The following SUGCT variants were observed in gnomAD, a reference collection of about 807,000 sequenced individuals.
SUGCT encodes the protein succinyl-CoA:glutarate-CoA transferase.
Under a neutral mutation model 55.0 loss-of-function variants are expected in SUGCT, and 41 were observed. That is an observed-to-expected ratio of 0.74 (90% CI 0.58 to 0.97). The LOEUF (loss-of-function observed/expected upper bound fraction) is 0.97. Ranked by LOEUF, SUGCT falls within the 50% of genes least tolerant of loss-of-function variation. SUGCT has a pLI of 0.00. For synonymous variants in SUGCT, 187 were observed against 200.4 expected (o/e 0.93, Z 0.56); for missense variants, 568 against 547.8 (o/e 1.04, Z -0.37).
At chr7:40,216,682 C>A (rs1197702856) in intron 6 of SUGCT, among the ~76,000 whole-genome samples, 1 of 151,420 alleles carries the variant, frequency 6.6e-6, no homozygotes, top group South Asian at 2.1e-4. Context: ...TCAAACCCCA[C>A]CTCTTATAAA....
chr7:40,331,494 G>A (rs1796308683), intron 9 of SUGCT, among the ~76,000 whole-genome samples: 1 of 152,138 alleles, frequency 6.6e-6, no homozygotes, highest in Admixed American at 6.5e-5. Flanking sequence ...CAAGTCACAG[G>A]ACAGTGCATT....
In SUGCT at chr7:40,747,837, AT is replaced by A. The variant is rs535715532; in HGVS notation, c.1090-1593del. 1.4e-4 allele frequency among the ~76,000 whole-genome samples: 22 copies of A among 152,212 alleles called. No individual in the cohort carries two copies. In the East Asian group the frequency reaches 3.7e-3, roughly 25 times the overall value. Reference sequence around the variant, plus strand: ...CATTTTTATTTGCGTATCACAAAACATTTTGCCTCCAATAATTCAACACTTA... The same window carrying A: ...CATTTTTATTTGCGTATCACAAAACATTTGCCTCCAATAATTCAACACTTA... On this transcript the variant is annotated intron_variant, in intron 12 of 13. Transcript: ENST00000335693.
At chr7:40,921,270 G>A in the SUGCT span, among the ~76,000 whole-genome samples, 1 of 151,950 alleles carries the variant, frequency 6.6e-6, no homozygotes, top group African/African-American at 2.4e-5. Flanking sequence ...ATTTGGAAGC[G>A]AGGTGAATAA....
At chr7:40,866,588 T>C in the SUGCT span, among the ~76,000 whole-genome samples, 2 of 151,418 alleles carry the variant, frequency 1.3e-5, no homozygotes, top group Non-Finnish European at 2.9e-5. Flanking sequence ...ACAAGTGCAG[T>C]GGGAGAAGTC....
chr7:40,238,120 G>A (rs1308370967), intron 7 of SUGCT, among the ~76,000 whole-genome samples: 1 of 152,156 alleles, frequency 6.6e-6, no homozygotes, highest in African/African-American at 2.4e-5. Context: ...GACCACGGAT[G>A]TCCATTTCTA....
At chr7:40,161,442 C>T (rs1002597641) in intron 1 of SUGCT, among the ~76,000 whole-genome samples, 1 of 152,128 alleles carries the variant, frequency 6.6e-6, no homozygotes, top group Non-Finnish European at 1.5e-5. Flanking sequence ...CTTCATCCAC[C>T]CCATGCATAT....
intron 10 of SUGCT, among the ~76,000 whole-genome samples, chr7:40,455,394 A>C (rs1379038852): frequency 6.6e-6 from 1 of 152,242 alleles, no homozygotes. Context: ...AATTAACAGA[A>C]GTTGTCAGAA....
chr7:40,377,205 T>TTC lies in SUGCT; in HGVS notation c.816+60351_816+60352insCT, dbSNP rs1562728784. On this transcript the variant is annotated intron_variant, in intron 9 of 13. Coordinates refer to ENST00000335693, the MANE Select transcript of SUGCT (RefSeq NM_001193313.2). The stretch of plus-strand genomic sequence containing the variant: ...TTCTTTCTTTCTTTCTTTCTTTTCT[T>TTC]TTCTTTTCTTTCTTTTCTTTCTTTC... Among the ~76,000 whole-genome samples the TTC allele has an allele frequency of 5.4e-3, 30 of 5,508 alleles. 4 individuals are homozygous for TTC. The highest frequency in any genetic ancestry group is 0.053 in the Non-Finnish European group (24 of 450). The allele number at this position is 5,508 out of a possible 152,430, so 3.6% of individuals were successfully genotyped here.
Position 40,298,700 on chromosome 7 carries a change from A to G in SUGCT, c.721-18060A>G, listed in dbSNP as rs542024734. On this transcript the variant is annotated intron_variant, in intron 8 of 13. Transcript: ENST00000335693. ...TTCATGTTCAGACATTCTTACTGAA[A>G]TACTCATTTAATCAGAGGTTTCTCT... Among the ~76,000 whole-genome samples, 15 of 152,086 alleles carry G rather than the reference A, an allele frequency of 9.9e-5. No individual in the cohort carries two copies. In the South Asian group the frequency reaches 2.7e-3, roughly 27 times the overall value.
At chr7:40,303,120 G>A (rs181213952) in intron 8 of SUGCT, among the ~76,000 whole-genome samples, 71 of 151,710 alleles carry the variant, frequency 4.7e-4, no homozygotes, top group African/African-American at 1.6e-3. Context: ...TGCAACCTCC[G>A]CCTCCCGAGT....
intron 6 of SUGCT, among the ~76,000 whole-genome samples, chr7:40,227,015 C>G (rs1256070449): frequency 6.1e-5 from 9 of 147,382 alleles, no homozygotes; most frequent in Admixed American, 5.4e-4. Flanking sequence ...TTAAAGTCAC[C>G]TAAAGTAGAG....
intron 5 of SUGCT, among the ~76,000 whole-genome samples, chr7:40,192,441 C>A (rs904413952): frequency 2.6e-5 from 4 of 152,026 alleles, no homozygotes; most frequent in African/African-American, 9.7e-5. Flanking sequence ...GTTACAATAT[C>A]ATTATTATGG....
At chr7:40,506,796 C>T (rs933683483) in intron 12 of SUGCT, among the ~76,000 whole-genome samples, 2 of 152,048 alleles carry the variant, frequency 1.3e-5, no homozygotes, top group African/African-American at 2.4e-5. Flanking sequence ...CTTCCTACTG[C>T]CAGTTCAAAT....
chr7:40,208,696 C>T (rs916560991), intron 6 of SUGCT, among the ~76,000 whole-genome samples: 13 of 152,074 alleles, frequency 8.5e-5, no homozygotes, highest in African/African-American at 2.4e-4. Context: ...AGGTGCACAC[C>T]GCCATGTCCG....
chr7:40,243,108 TC>T (rs1452060211), intron 7 of SUGCT, among the ~76,000 whole-genome samples: 2 of 149,898 alleles, frequency 1.3e-5, no homozygotes, highest in Non-Finnish European at 3.0e-5. Context: ...CATCCATCTC[TC>T]TCTCTCTCTA....
At chr7:40,751,152 C>A (rs1267580393) in intron 13 of SUGCT, among the ~76,000 whole-genome samples, 2 of 152,102 alleles carry the variant, frequency 1.3e-5, no homozygotes, top group Non-Finnish European at 2.9e-5. Context: ...TAACATGACA[C>A]TGAGGGGCAA....
chr7:40,308,147 TGATGTAGGG>T (rs1221090278), intron 8 of SUGCT, among the ~76,000 whole-genome samples: 3 of 152,100 alleles, frequency 2.0e-5, no homozygotes, highest in Non-Finnish European at 4.4e-5. Flanking sequence ...TCCATTCCAT[TGATGTAGGG>T]GGACTTGCCT....
At chr7:40,958,413 A>T in the SUGCT span, among the ~76,000 whole-genome samples, 1 of 150,910 alleles carries the variant, frequency 6.6e-6, no homozygotes, top group African/African-American at 2.4e-5. Flanking sequence ...CATTAAGGGG[A>T]TTTTCAACCT....
At chr7:40,422,691 T>A (rs1787377087) in intron 9 of SUGCT, among the ~76,000 whole-genome samples, 1 of 152,114 alleles carries the variant, frequency 6.6e-6, no homozygotes, top group African/African-American at 2.4e-5. Flanking sequence ...ACATCAGGTG[T>A]CTTGGGTAGA....
Sources: gnomAD v4.1 joint callset for allele counts (sites outside exome capture counted in the v4.1 genomes callset) on GRCh38, gnomAD v4.1.1 for gene constraint, MANE v1.5 for transcripts, NCBI Gene and HGNC (gene_info 2026-07-23, HGNC 2026-07-21) for gene names.